The following ATG2A variants were observed in gnomAD, a reference collection of about 807,000 sequenced individuals.
ATG2A encodes autophagy related 2A, also known as autophagy-related protein 2 homolog A.
ATG2A carries 103 observed loss-of-function variants against 214.2 expected under a neutral mutation model. That is an observed-to-expected ratio of 0.48 (90% CI 0.41 to 0.57). ATG2A has a LOEUF of 0.57. Ranked by LOEUF, ATG2A falls within the 20% of genes least tolerant of loss-of-function variation. ATG2A has a pLI of 0.00. For synonymous variants in ATG2A, 1,160 were observed against 1,142.1 expected (o/e 1.02, Z -0.32); for missense variants, 2,312 against 2,613.2 (o/e 0.88, Z 2.51).
At chr11:64,908,571 A>C (rs1944643519) in intron 16 of ATG2A, among the ~76,000 whole-genome samples, 3 of 152,190 alleles carry the variant, frequency 2.0e-5, no homozygotes, top group African/African-American at 7.2e-5. Context: ...AGAAAAAAAA[A>C]GAGAGAAAGA....
chr11:64,911,363 G>A, intron 9 of ATG2A, 88 bp from the exon 10 acceptor site: 1 of 1,367,616 alleles, frequency 7.3e-7, no homozygotes, highest in Non-Finnish European at 1.0e-6. Context: ...CTGGGGGTTG[G>A]GAGGCCAGGT....
At chr11:64,900,174 C>T (rs554084683) in intron 31 of ATG2A, among the ~76,000 whole-genome samples, 9 of 151,924 alleles carry the variant, frequency 5.9e-5, no homozygotes, top group Admixed American at 1.3e-4. Flanking sequence ...CCCCAATTTG[C>T]GGCTTTCACG....
Position 64,898,145 on chromosome 11 carries a change from A to G in ATG2A, c.4799T>C (p.Phe1600Ser), listed in dbSNP as rs1944222416. The G allele has an allele frequency of 1.9e-6, 3 of 1,613,942 alleles. No individual in the cohort carries two copies. Among genetic ancestry groups the G allele is most frequent in the Admixed American group, 1.7e-5 (1 of 60,004 alleles). ...DQDALFFLKD[F>S]FTSLVAGINP... ...GATGCCGGCCACCAGACTAGTGAAG[A>G]AGTCCTTGAGGAAGAAGAGGGCATC... is the stretch of plus-strand genomic sequence containing the variant. Residue 1600 changes from phenylalanine to serine, a missense_variant, in exon 34 of 41, where the codon TTC becomes TCC. Transcript: ENST00000377264. This position sits in a 1 kb window ranked among gnomAD's most constrained non-coding sequence, Gnocchi z 4.5.
chr11:64,903,394 G>A lies in ATG2A; in HGVS notation c.3536-30C>T. ...AGCAGAGGCGAGAGAAAGGTCCTGTGGCCCCCTTCCACCCGGCCCCGGCCC... is the reference window on the plus strand; with the variant it reads ...AGCAGAGGCGAGAGAAAGGTCCTGTAGCCCCCTTCCACCCGGCCCCGGCCC... On this transcript the variant is annotated intron_variant, in intron 25 of 40. Transcript: ENST00000377264. This position sits in a 1 kb window ranked among gnomAD's most constrained non-coding sequence, Gnocchi z 4.2. 1 of 1,611,892 alleles carries A rather than the reference G, an allele frequency of 6.2e-7. No homozygotes were observed. The highest frequency in any genetic ancestry group is 2.2e-5 in the East Asian group (1 of 44,868).
At position 64,895,494 on chromosome 11, in the gene ATG2A, GC is replaced by G; in HGVS notation, c.5428-53del. 1 of 1,478,438 alleles carries G rather than the reference GC, an allele frequency of 6.8e-7. No individual in the cohort carries two copies. The highest frequency in any genetic ancestry group is 9.0e-7 in the Non-Finnish European group (1 of 1,110,612). 91.6% of individuals were successfully genotyped at this position (1,478,438 alleles called of 1,614,324 possible). The stretch of plus-strand genomic sequence containing the variant: ...GGACAGCTGGCTGGGGCACACGTCA[GC>G]CCCAGGCCCCCAGGACAGTCTGAGA... On this transcript the variant is annotated intron_variant, in intron 39 of 40. Transcript: ENST00000377264. This position sits in a 1 kb window ranked among gnomAD's most constrained non-coding sequence, Gnocchi z 5.0.
At chr11:64,904,872 T>C (rs532069473) in intron 24 of ATG2A, among the ~76,000 whole-genome samples, 1 of 151,800 alleles carries the variant, frequency 6.6e-6, no homozygotes, top group African/African-American at 2.4e-5. Context: ...ATGTATTTAT[T>C]TGAGACGGAG....
At chr11:64,905,448 A>C in intron 24 of ATG2A, 115 bp downstream of exon 24, 1 of 1,150,264 alleles carries the variant, frequency 8.7e-7, no homozygotes, top group Non-Finnish European at 1.3e-6. Flanking sequence ...CATTCCTGAG[A>C]ATGAGACTAT....
At chr11:64,896,217 GTGGGCTCTGAAGGCC>G (rs1183397873) in intron 39 of ATG2A, among the ~76,000 whole-genome samples, 7 of 152,266 alleles carry the variant, frequency 4.6e-5, no homozygotes, top group Non-Finnish European at 1.0e-4. Flanking sequence ...AGGAGACACA[GTGGGCTCTGAAGGCC>G]TGGGGGGCAC....
At position 64,909,030 on chromosome 11, in the gene ATG2A, C is replaced by G; in HGVS notation, c.2325G>C (p.Ser775=). Residue 775 remains serine, a synonymous_variant, in exon 16 of 41, where the codon TCG becomes TCC. Coordinates refer to ENST00000377264, the MANE Select transcript of ATG2A (RefSeq NM_015104.3). ...SPCELREPEP[S]PFSSKRTMYE... Reference sequence around the variant, plus strand: ...ACATGGTCCTCTTAGAGGAGAAGGGCGAGGGCTCAGGTTCCCGCAGCTCAC... The same window carrying G: ...ACATGGTCCTCTTAGAGGAGAAGGGGGAGGGCTCAGGTTCCCGCAGCTCAC... The G allele has an allele frequency of 6.2e-7, 1 of 1,609,464 alleles. No homozygotes were observed. Among genetic ancestry groups the G allele is most frequent in the Non-Finnish European group, 8.5e-7 (1 of 1,178,284 alleles).
chr11:64,913,485 C>T lies in ATG2A; in HGVS notation c.591-84G>A, dbSNP rs1394314956. ...CACACAGTGCTCTGCTCTAGGGGCACGGGGTCAGGGAGCCTAGCCTGCAGA... is the reference window on the plus strand; with the variant it reads ...CACACAGTGCTCTGCTCTAGGGGCATGGGGTCAGGGAGCCTAGCCTGCAGA... On this transcript the variant is annotated intron_variant, in intron 4 of 40. Transcript: ENST00000377264. This position sits in a 1 kb window ranked among gnomAD's most constrained non-coding sequence, Gnocchi z 4.3. The T allele has an allele frequency of 1.6e-5, 23 of 1,448,592 alleles. No individual in the cohort carries two copies. The highest frequency in any genetic ancestry group is 1.4e-4 in the South Asian group (10 of 70,748). The allele number at this position is 1,448,592 out of a possible 1,614,324, so 89.7% of individuals were successfully genotyped here.
rs1944532359 is a variant in ATG2A at position 64,905,991 on chromosome 11, C to T, written c.3264+122G>A. ...ACACCCCTTGCCCAGGAGCTCCGGA[C>T]AAGGTCAGCTGTGGCCCAGTCCATG... On this transcript the variant is annotated intron_variant, in intron 22 of 40. Coordinates refer to ENST00000377264, the MANE Select transcript of ATG2A (RefSeq NM_015104.3). 16 of 1,401,078 alleles carry T rather than the reference C, an allele frequency of 1.1e-5. 1 individual carries two copies. The South Asian group carries it at 2.1e-4, about 18-fold the overall frequency. 86.8% of individuals were successfully genotyped at this position (1,401,078 alleles called of 1,614,324 possible).
At chr11:64,905,956 G>T in intron 22 of ATG2A, 108 bp from the exon 23 acceptor site, 1 of 1,375,454 alleles carries the variant, frequency 7.3e-7, no homozygotes. Flanking sequence ...CTGCCCACTA[G>T]CTGTCTGCCA....
chr11:64,900,734 C>A, intron 30 of ATG2A, 105 bp from the exon 31 acceptor site: 1 of 1,454,372 alleles, frequency 6.9e-7, no homozygotes, highest in South Asian at 1.4e-5. Flanking sequence ...TAGCCCCAGT[C>A]CTGGAAGGCA....
At position 64,913,021 on chromosome 11, in the gene ATG2A, G is replaced by A. The variant is rs1944835525; in HGVS notation, c.825+17C>T. 6.6e-7 allele frequency: 1 copy of A among 1,526,540 alleles called. No individual in the cohort carries two copies. Among genetic ancestry groups the A allele is most frequent in the Non-Finnish European group, 8.8e-7 (1 of 1,135,378 alleles). The allele number at this position is 1,526,540 out of a possible 1,614,324, so 94.6% of individuals were successfully genotyped here. ...AGATGGGGTACTCACCCCCTCCCCA[G>A]GGGCCTGGGGACCCACCTTGGGGCC... On this transcript the variant is annotated intron_variant, in intron 6 of 40. Transcript: ENST00000377264. The surrounding 1 kb of genome is among the most constrained non-coding windows in gnomAD (Gnocchi z 4.3).
rs1944611371 is a variant in ATG2A at position 64,907,835 on chromosome 11, G to A, written c.2420C>T (p.Ala807Val). Residue 807 changes from alanine (A) to valine (V), a missense_variant, in exon 17 of 41, where the codon GCA (alanine) becomes GTA (valine). Coordinates refer to ENST00000377264, the MANE Select transcript of ATG2A (RefSeq NM_015104.3). ...EMRTFQSRTL[A>V]LSRCSLEVIL... is the part of the protein sequence containing the mutation. The stretch of plus-strand genomic sequence containing the variant: ...CACTTCCAGGCTGCAGCGGGACAGT[G>A]CCAGGGTCCGGCTCTGGAACGTCCT... 1 of 1,613,310 alleles carries A rather than the reference G, an allele frequency of 6.2e-7. No individual in the cohort carries two copies. The highest frequency in any genetic ancestry group is 8.5e-7 in the Non-Finnish European group (1 of 1,179,938).
At position 64,900,948 on chromosome 11, in the gene ATG2A, G is replaced by A. The variant is rs369859398; in HGVS notation, c.4264C>T (p.Arg1422Cys). Reference protein sequence around the residue: ...FPVPSTRVVLREVSLVWHLYG... With the variant: ...FPVPSTRVVLCEVSLVWHLYG... Reference sequence around the variant, plus strand: ...AGGTGCCAGACGAGGGAGACCTCACGTAGCACCACCCGAGTGCTGGGCACT... The same window carrying A: ...AGGTGCCAGACGAGGGAGACCTCACATAGCACCACCCGAGTGCTGGGCACT... The change falls in exon 30 of 41, where the codon CGT becomes TGT. Residue 1422 changes from arginine to cysteine, a missense_variant. Transcript: ENST00000377264. 7.6e-6 allele frequency: 12 copies of A among 1,581,206 alleles called. No individual in the cohort carries two copies. The highest frequency in any genetic ancestry group is 2.3e-5 in the South Asian group (2 of 86,560).
intron 24 of ATG2A, 99 bp downstream of exon 24, chr11:64,905,464 G>C: frequency 8.0e-7 from 1 of 1,250,742 alleles, no homozygotes; most frequent in Non-Finnish European, 1.1e-6. Flanking sequence ...ACTATCACCC[G>C]GGTGTACATT....
Position 64,895,352 on chromosome 11 carries a change from T to C in ATG2A, c.5518A>G (p.Arg1840Gly), listed in dbSNP as rs757034647. Reference sequence around the variant, plus strand: ...CGCAGGTCGGCAGGCTGCTGGCCCCTGCGCAGCCTCCGCGCAGAGCGCTTA... The same window carrying C: ...CGCAGGTCGGCAGGCTGCTGGCCCCCGCGCAGCCTCCGCGCAGAGCGCTTA... ...QDKRSARRLR[R>G]GQQPADLREG... The change falls in exon 40 of 41, where the codon AGG becomes GGG. Residue 1840 changes from arginine to glycine, a missense_variant. Arg to Gly is a moderately radical substitution (Grantham distance 125). Transcript: ENST00000377264. The surrounding 1 kb of genome is among the most constrained non-coding windows in gnomAD (Gnocchi z 5.0). 3.7e-6 allele frequency: 6 copies of C among 1,613,154 alleles called. No individual in the cohort carries two copies. Among genetic ancestry groups the C allele is most frequent in the Middle Eastern group, 1.7e-4 (1 of 6,056 alleles).
At chr11:64,905,715 C>G in intron 23 of ATG2A, 27 bp downstream of exon 23, 2 of 1,613,830 alleles carry the variant, frequency 1.2e-6, no homozygotes, top group Non-Finnish European at 1.7e-6. Flanking sequence ...TCCCCGTCCC[C>G]AGCCCCTGGC....
Sources: gnomAD v4.1 joint callset for allele counts (sites outside exome capture counted in the v4.1 genomes callset) on GRCh38, gnomAD v4.1.1 for gene constraint, Gnocchi (gnomAD v3.1) non-coding constraint, MANE v1.5 for transcripts, NCBI Gene and HGNC (gene_info 2026-07-23, HGNC 2026-07-21) for gene names.